The following BBX variants were observed in gnomAD, a reference collection of about 807,000 sequenced individuals.
The protein encoded by BBX is HMG box transcription factor BBX.
In BBX, 30 loss-of-function variants were observed where a neutral mutation model predicts 100.2. That is an observed-to-expected ratio of 0.30 (90% CI 0.22 to 0.41). The LOEUF is 0.41. Among genes scored for constraint, BBX ranks in the 10% least tolerant of loss-of-function variants. The probability of loss-of-function intolerance (pLI) is 1.00; values close to 1 mark genes in which losing one functional copy is unlikely to be tolerated. For synonymous variants in BBX, 376 were observed against 388.1 expected (o/e 0.97, Z 0.37); for missense variants, 1,023 against 1,129.8 (o/e 0.91, Z 1.35).
chr3:107,704,808 A>G (rs2061293792), intron 3 of BBX, among the ~76,000 whole-genome samples: 4 of 152,174 alleles, frequency 2.6e-5, no homozygotes, highest in Non-Finnish European at 5.9e-5. Flanking sequence ...TTGTCAAAAC[A>G]CTATGATAAG....
intron 3 of BBX, among the ~76,000 whole-genome samples, chr3:107,659,270 CT>C: frequency 6.6e-6 from 1 of 151,858 alleles, no homozygotes; most frequent in Admixed American, 6.6e-5. Context: ...TATCTGTCAT[CT>C]TTTCATCTCT....
At chr3:107,554,222 A>G (rs2049912583) in intron 2 of BBX, among the ~76,000 whole-genome samples, 1 of 152,220 alleles carries the variant, frequency 6.6e-6, no homozygotes, top group African/African-American at 2.4e-5. Context: ...GACAGTGGTG[A>G]GGGATTATTG....
At chr3:107,689,302 G>T (rs1366131412) in intron 3 of BBX, among the ~76,000 whole-genome samples, 1 of 152,164 alleles carries the variant, frequency 6.6e-6, no homozygotes, top group Non-Finnish European at 1.5e-5. Flanking sequence ...TTTGTAGAGT[G>T]CCCTTCCCTT....
chr3:107,713,707 C>T (rs1001005228), intron 4 of BBX, among the ~76,000 whole-genome samples: 4 of 152,138 alleles, frequency 2.6e-5, no homozygotes, highest in African/African-American at 4.8e-5. Flanking sequence ...TGCTGGTTTA[C>T]AGGATCAAAT....
At chr3:107,786,473 G>C (rs2068439561) in intron 13 of BBX, among the ~76,000 whole-genome samples, 1 of 152,112 alleles carries the variant, frequency 6.6e-6, no homozygotes, top group African/African-American at 2.4e-5. Context: ...AATAGAATTG[G>C]TAGAGAACCT....
At chr3:107,763,781 T>A (rs1295357242) in intron 10 of BBX, among the ~76,000 whole-genome samples, 1 of 152,060 alleles carries the variant, frequency 6.6e-6, no homozygotes, top group Non-Finnish European at 1.5e-5. Context: ...CTTTTGGGAG[T>A]GAGTTCCATT....
chr3:107,695,031 C>A (rs1238436285), intron 3 of BBX, among the ~76,000 whole-genome samples: 1 of 149,554 alleles, frequency 6.7e-6, no homozygotes, highest in Non-Finnish European at 1.5e-5. Flanking sequence ...TCTGTGGGAT[C>A]GGTGGTGATA....
intron 2 of BBX, among the ~76,000 whole-genome samples, chr3:107,631,099 A>G (rs2056517962): frequency 1.3e-5 from 2 of 152,148 alleles, no homozygotes; most frequent in African/African-American, 4.8e-5. Flanking sequence ...AGTGATCCCA[A>G]ACTGGATCTC....
chr3:107,582,346 A>T (rs1459001936), intron 2 of BBX, among the ~76,000 whole-genome samples: 1 of 151,654 alleles, frequency 6.6e-6, no homozygotes, highest in Non-Finnish European at 1.5e-5. Context: ...TTATCTCAGT[A>T]TCCATACAAT....
intron 2 of BBX, among the ~76,000 whole-genome samples, chr3:107,560,133 T>C (rs1261063249): frequency 6.6e-6 from 1 of 152,082 alleles, no homozygotes; most frequent in African/African-American, 2.4e-5. Flanking sequence ...AGTTAGATTT[T>C]GCATATTAAA....
At chr3:107,703,144 T>G (rs2061185829) in intron 3 of BBX, among the ~76,000 whole-genome samples, 1 of 152,202 alleles carries the variant, frequency 6.6e-6, no homozygotes, top group South Asian at 2.1e-4. Flanking sequence ...AATAAAAACC[T>G]TTGTGAATTT....
rs900608542 is a variant in BBX at position 107,710,842 on chromosome 3, C to T, written c.162+220C>T. ...AGACTGAGACACATCCTTTTAAATA[C>T]GATTTTTGTCACCTAACTAATGATT... On this transcript the variant is annotated intron_variant, in intron 4 of 17. Coordinates refer to ENST00000325805, the MANE Select transcript of BBX (RefSeq NM_001142568.3). Among the ~76,000 whole-genome samples, 6 of 152,092 alleles carry T rather than the reference C, an allele frequency of 3.9e-5. No individual in the cohort carries two copies. In the South Asian group the frequency reaches 6.2e-4, roughly 16 times the overall value.
intron 7 of BBX, among the ~76,000 whole-genome samples, chr3:107,734,625 A>G (rs2063524876): frequency 6.6e-6 from 1 of 152,168 alleles, no homozygotes; most frequent in African/African-American, 2.4e-5. Flanking sequence ...CATCTTTCTT[A>G]ACTATTTAAA....
intron 2 of BBX, among the ~76,000 whole-genome samples, chr3:107,619,033 G>T (rs904324251): frequency 4.0e-5 from 6 of 151,872 alleles, no homozygotes; most frequent in African/African-American, 1.5e-4. Flanking sequence ...TCTCCTTTCG[G>T]TTCTATAAGT....
intron 2 of BBX, among the ~76,000 whole-genome samples, chr3:107,571,860 CTGTGCA>C (rs2051392670): frequency 1.3e-5 from 2 of 152,178 alleles, no homozygotes; most frequent in African/African-American, 2.4e-5. Context: ...TGTTTGGTTC[CTGTGCA>C]TGTGTATATG....
intron 10 of BBX, among the ~76,000 whole-genome samples, chr3:107,762,655 A>T (rs1244200305): frequency 6.6e-6 from 1 of 152,228 alleles, no homozygotes; most frequent in East Asian, 1.9e-4. Flanking sequence ...TTTGTTTTGT[A>T]CTAAAAAGCA....
intron 3 of BBX, among the ~76,000 whole-genome samples, chr3:107,650,113 A>G (rs17391822): frequency 0.13 from 19,095 of 152,116 alleles, 1,435 homozygotes; most frequent in Middle Eastern, 0.19. Context: ...TCCCAGTGTG[A>G]AGGTTTAATT....
chr3:107,575,535 A>G (rs909124241), intron 2 of BBX, among the ~76,000 whole-genome samples: 19 of 152,312 alleles, frequency 1.2e-4, no homozygotes, highest in Non-Finnish European at 2.4e-4. Flanking sequence ...TCTGATGGGG[A>G]TGGATATCTA....
intron 7 of BBX, among the ~76,000 whole-genome samples, chr3:107,744,426 G>A (rs2064397659): frequency 6.6e-6 from 1 of 152,082 alleles, no homozygotes; most frequent in Non-Finnish European, 1.5e-5. Flanking sequence ...CAAAGCAGTT[G>A]TCACAAAGCA....
Sources: gnomAD v4.1 joint callset for allele counts (sites outside exome capture counted in the v4.1 genomes callset) on GRCh38, gnomAD v4.1.1 for gene constraint, MANE v1.5 for transcripts, NCBI Gene and HGNC (gene_info 2026-07-23, HGNC 2026-07-21) for gene names.